The following ACOXL variants were observed in gnomAD, a reference collection of about 807,000 sequenced individuals.
ACOXL encodes acyl-coenzyme A oxidase-like protein.
ACOXL carries 70 observed loss-of-function variants against 71.9 expected under a neutral mutation model. That is an observed-to-expected ratio of 0.97 (90% CI 0.80 to 1.19). The LOEUF is 1.19. ACOXL is among the 50% of genes most tolerant of loss of function. The probability of loss-of-function intolerance (pLI) is 0.00; values close to 1 mark genes in which losing one functional copy is unlikely to be tolerated. For synonymous variants in ACOXL, 253 were observed against 281.6 expected (o/e 0.90, Z 1.02); for missense variants, 703 against 736.3 (o/e 0.95, Z 0.52).
At chr2:110,913,881 G>A (rs2059741835) in intron 11 of ACOXL, among the ~76,000 whole-genome samples, 1 of 152,100 alleles carries the variant, frequency 6.6e-6, no homozygotes. Flanking sequence ...TCAGTACAGT[G>A]AGGACACCAC....
chr2:110,878,639 C>A (rs1696224194), intron 10 of ACOXL, among the ~76,000 whole-genome samples: 1 of 152,012 alleles, frequency 6.6e-6, no homozygotes. Context: ...GTGGTGCAAG[C>A]CTGTAATTCC....
At chr2:110,994,261 GC>G (rs941367333) in intron 13 of ACOXL, among the ~76,000 whole-genome samples, 1 of 152,124 alleles carries the variant, frequency 6.6e-6, no homozygotes, top group East Asian at 1.9e-4. Flanking sequence ...ACTTCTTAAA[GC>G]CCAGATTCAG....
chr2:111,109,257 G>T (rs2069771195), intron 17 of ACOXL, among the ~76,000 whole-genome samples: 1 of 152,170 alleles, frequency 6.6e-6, no homozygotes, highest in South Asian at 2.1e-4. Context: ...GGTGTTTATG[G>T]ACTGATGTTA....
chr2:111,060,373 C>T (rs2066754253), intron 16 of ACOXL, among the ~76,000 whole-genome samples: 1 of 152,100 alleles, frequency 6.6e-6, no homozygotes, highest in Admixed American at 6.5e-5. Context: ...ATCTGGGGAG[C>T]AGAAATTAGG....
intron 17 of ACOXL, among the ~76,000 whole-genome samples, chr2:111,117,160 G>A (rs557112358): frequency 2.9e-4 from 44 of 152,224 alleles, no homozygotes; most frequent in Non-Finnish European, 5.1e-4. Flanking sequence ...CCTGTTCGGA[G>A]GCTCTTCCTG....
At position 110,905,535 on chromosome 2, in the gene ACOXL, TGCTTGG is replaced by T. The variant is rs772054050; in HGVS notation, c.789-3253_789-3248del. On this transcript the variant is annotated intron_variant, in intron 10 of 17. Transcript: ENST00000439055. ...TTCATAGACTCACATAGAATGTCTG[TGCTTGG>T]CTGTATATCACAGTTACAGAACATA... Among the ~76,000 whole-genome samples, 31 of 152,332 alleles carry T rather than the reference TGCTTGG, an allele frequency of 2.0e-4. No homozygotes were observed. The South Asian group carries it at 6.0e-3, about 30-fold the overall frequency.
At chr2:110,919,569 A>C (rs1413311061) in intron 11 of ACOXL, among the ~76,000 whole-genome samples, 1 of 152,158 alleles carries the variant, frequency 6.6e-6, no homozygotes, top group Non-Finnish European at 1.5e-5. Flanking sequence ...TAAAAAAATA[A>C]AAATCACACT....
At chr2:110,948,082 A>G (rs2061177532) in intron 12 of ACOXL, among the ~76,000 whole-genome samples, 2 of 152,198 alleles carry the variant, frequency 1.3e-5, no homozygotes, top group African/African-American at 4.8e-5. Flanking sequence ...AGTGCGTTCC[A>G]GAATTTCACA....
At position 110,818,419 on chromosome 2, in the gene ACOXL, A is replaced by ATGTGTGTGTGTGTG. The variant is rs1485183767; in HGVS notation, c.753+13025_753+13026insGTGTGTGTGTGTGT. ...AAAAAAAAAAAAAAAACATATATAT[A>ATGTGTGTGTGTGTG]TATATGTGTGTGTGTGTGTGTGTGT... is the stretch of plus-strand genomic sequence containing the variant. On this transcript the variant is annotated intron_variant, in intron 9 of 17. Coordinates refer to ENST00000439055, the MANE Select transcript of ACOXL (RefSeq NM_001142807.4). Among the ~76,000 whole-genome samples, 266 of 141,694 alleles carry ATGTGTGTGTGTGTG rather than the reference A, an allele frequency of 1.9e-3. 3 individuals are homozygous for ATGTGTGTGTGTGTG. Among genetic ancestry groups the ATGTGTGTGTGTGTG allele is most frequent in the African/African-American group, 7.0e-3 (258 of 37,114 alleles). 93.0% of individuals were successfully genotyped at this position (141,694 alleles called of 152,430 possible). A position where few individuals can be genotyped will look rare whatever the true frequency, so the allele number is the denominator to read the frequency against.
chr2:110,747,914 T>G (rs2104769139), intron 1 of ACOXL, among the ~76,000 whole-genome samples: 1 of 152,258 alleles, frequency 6.6e-6, no homozygotes, highest in African/African-American at 2.4e-5. Context: ...CTCCTCTCTC[T>G]GCCCACATAT....
At position 110,826,477 on chromosome 2, in the gene ACOXL, G is replaced by C. The variant is rs146294510; in HGVS notation, c.754-14894G>C. On this transcript the variant is annotated intron_variant, in intron 9 of 17. Transcript: ENST00000439055. ...GCTTAGGTACAGCACTTGGCACCAT[G>C]TTTGACGTGTAGAAAGTGTCCAGTG... 1.1e-3 allele frequency among the ~76,000 whole-genome samples: 169 copies of C among 152,322 alleles called. 1 individual carries two copies. Among genetic ancestry groups the C allele is most frequent in the Middle Eastern group, 3.4e-3 (1 of 294 alleles).
At chr2:110,851,367 G>A (rs1692579324) in intron 10 of ACOXL, among the ~76,000 whole-genome samples, 1 of 152,176 alleles carries the variant, frequency 6.6e-6, no homozygotes, top group Non-Finnish European at 1.5e-5. Context: ...CTTTTTCCAA[G>A]TGCTTCTGGG....
chr2:111,022,417 C>T (rs2064807558), intron 14 of ACOXL, among the ~76,000 whole-genome samples: 2 of 115,400 alleles, frequency 1.7e-5, no homozygotes, highest in Non-Finnish European at 3.4e-5. Context: ...ATAAAGACCC[C>T]TCCTCACACA....
intron 11 of ACOXL, among the ~76,000 whole-genome samples, chr2:110,921,684 C>T (rs540629480): frequency 2.2e-4 from 33 of 151,828 alleles, no homozygotes; most frequent in Admixed American, 1.2e-3. Flanking sequence ...TGAGCCACCG[C>T]GCCTGGCCTT....
At chr2:110,989,312 G>A (rs113686710) in intron 13 of ACOXL, among the ~76,000 whole-genome samples, 2 of 152,272 alleles carry the variant, frequency 1.3e-5, no homozygotes, top group African/African-American at 4.8e-5. Context: ...TTGAGAGTTT[G>A]TCTTGGGGCT....
chr2:110,921,200 G>A lies in ACOXL; in HGVS notation c.906-12289G>A, dbSNP rs1271172874. On this transcript the variant is annotated intron_variant, in intron 11 of 17. Transcript: ENST00000439055. ...CCTCTTTCCTTATCCCCACTGTTTT[G>A]TCTCTCTCACATCAGTTTGGATAGA... 2.0e-5 allele frequency among the ~76,000 whole-genome samples: 3 copies of A among 151,914 alleles called. No homozygotes were observed. In the East Asian group the frequency reaches 5.8e-4, roughly 29 times the overall value.
intron 1 of ACOXL, among the ~76,000 whole-genome samples, chr2:110,747,053 CAGTT>C (rs1299751396): frequency 2.6e-5 from 4 of 152,174 alleles, no homozygotes; most frequent in Non-Finnish European, 5.9e-5. Flanking sequence ...ACCCAACAAT[CAGTT>C]GGTGACATCC....
intron 16 of ACOXL, among the ~76,000 whole-genome samples, chr2:111,060,837 C>T (rs145222667): frequency 6.6e-6 from 1 of 152,076 alleles, no homozygotes; most frequent in Admixed American, 6.5e-5. Context: ...TATAAACAAC[C>T]AAATGGAAAT....
intron 12 of ACOXL, among the ~76,000 whole-genome samples, chr2:110,950,049 T>A (rs1431229207): frequency 6.6e-6 from 1 of 152,000 alleles, no homozygotes; most frequent in African/African-American, 2.4e-5. Flanking sequence ...TTTTATTTTA[T>A]GTTATTTTAT....
Sources: gnomAD v4.1 joint callset for allele counts (sites outside exome capture counted in the v4.1 genomes callset) on GRCh38, gnomAD v4.1.1 for gene constraint, MANE v1.5 for transcripts, NCBI Gene and HGNC (gene_info 2026-07-23, HGNC 2026-07-21) for gene names.